Variants in DTWD2 observed in about 807,000 individuals in gnomAD.
DTWD2 encodes the protein DTW motif tRNA-uridine aminocarboxypropyltransferase 2, also known as tRNA-uridine aminocarboxypropyltransferase 2.
Under a neutral mutation model 31.8 loss-of-function variants are expected in DTWD2, and 39 were observed. The ratio of observed to expected loss-of-function variants is 1.22; its 90% CI spans 0.95 to 1.60. DTWD2 has a LOEUF of 1.60. DTWD2 is among the 40% of genes most tolerant of loss of function. The pLI is 0.00. For synonymous variants in DTWD2, 180 were observed against 142.8 expected (o/e 1.26, Z -1.86); for missense variants, 515 against 381.5 (o/e 1.35, Z -2.92).
chr5:118,951,788 C>T (rs1378101242), intron 1 of DTWD2, among the ~76,000 whole-genome samples: 6 of 152,094 alleles, frequency 3.9e-5, no homozygotes, highest in South Asian at 4.1e-4. Flanking sequence ...TGGGAGGGTA[C>T]TTGCCCCGCC....
At chr5:118,943,536 G>C (rs1754257988) in intron 2 of DTWD2, among the ~76,000 whole-genome samples, 1 of 144,936 alleles carries the variant, frequency 6.9e-6, no homozygotes, top group Admixed American at 6.9e-5. Context: ...GGGCAACAGA[G>C]CAAGACTCCG....
At chr5:118,956,815 A>C (rs1412693159) in intron 1 of DTWD2, among the ~76,000 whole-genome samples, 1 of 152,174 alleles carries the variant, frequency 6.6e-6, no homozygotes, top group Non-Finnish European at 1.5e-5. Context: ...GCAAAGAACA[A>C]AAAGTTTCAT....
chr5:118,974,625 A>G, intron 1 of DTWD2: 1 of 506,408 alleles, frequency 2.0e-6, no homozygotes, highest in Non-Finnish European at 4.0e-6. Flanking sequence ...TTGTGTATGT[A>G]CTTAGCTGTA....
chr5:118,939,249 G>C lies in DTWD2; in HGVS notation c.351C>G (p.Cys117Trp), dbSNP rs928421552. The C allele has an allele frequency of 6.2e-7, 1 of 1,600,182 alleles. No individual in the cohort carries two copies. The highest frequency in any genetic ancestry group is 8.5e-7 in the Non-Finnish European group (1 of 1,172,796). ...VLRTVPLLAA[C>W]LPQDKCKVKI... ...TCACTTTACACTTGTCCTGGGGGAG[G>C]CATGCTGCTAGTAGAGGAACTGTAC... Residue 117 changes from cysteine (C) to tryptophan (W), a missense_variant, in exon 3 of 6, where the codon TGC (cysteine) becomes TGG (tryptophan). Transcript: ENST00000510708.
intron 4 of DTWD2, among the ~76,000 whole-genome samples, chr5:118,862,589 C>T (rs1752287658): frequency 6.6e-6 from 1 of 152,120 alleles, no homozygotes; most frequent in Non-Finnish European, 1.5e-5. Flanking sequence ...ATATTATTTA[C>T]TTTGAAGAAA....
chr5:118,868,323 T>C (rs1475092249), intron 4 of DTWD2, among the ~76,000 whole-genome samples: 1 of 151,118 alleles, frequency 6.6e-6, no homozygotes, highest in African/African-American at 2.4e-5. Context: ...AGAAAAAAAA[T>C]AGGGGGAAAT....
At chr5:118,869,280 G>C (rs1438860752) in intron 4 of DTWD2, among the ~76,000 whole-genome samples, 1 of 151,956 alleles carries the variant, frequency 6.6e-6, no homozygotes, top group Non-Finnish European at 1.5e-5. Context: ...GAAATCGTTG[G>C]GACAGAAAAT....
At position 118,840,757 on chromosome 5, in the gene DTWD2, G is replaced by T; in HGVS notation, c.*160C>A. ...TGAGCCAGTGAATTTCTGTTTATTT[G>T]TATTTATGAATATTTGGTTTACTTC... On this transcript the variant is annotated 3_prime_UTR_variant, in exon 6 of 6. Transcript: ENST00000510708. The T allele has an allele frequency of 5.8e-6, 4 of 695,224 alleles. No individual in the cohort carries two copies. The highest frequency in any genetic ancestry group is 8.4e-6 in the Non-Finnish European group (4 of 478,744). 43.1% of individuals were successfully genotyped at this position (695,224 alleles called of 1,614,324 possible). A position where few individuals can be genotyped will look rare whatever the true frequency, so the allele number is the denominator to read the frequency against.
intron 2 of DTWD2, among the ~76,000 whole-genome samples, chr5:118,942,992 TG>T (rs771226107): frequency 6.6e-6 from 1 of 151,950 alleles, no homozygotes; most frequent in East Asian, 1.9e-4. Flanking sequence ...TTTATAGAGA[TG>T]GGGTCTCGCT....
chr5:118,861,147 T>C (rs1752250981), intron 4 of DTWD2, among the ~76,000 whole-genome samples: 1 of 152,244 alleles, frequency 6.6e-6, no homozygotes, highest in Admixed American at 6.5e-5. Context: ...TGTTGCTAAA[T>C]GTCTCCCAAT....
intron 4 of DTWD2, among the ~76,000 whole-genome samples, chr5:118,910,866 C>T: frequency 6.6e-6 from 1 of 152,132 alleles, no homozygotes; most frequent in East Asian, 1.9e-4. Flanking sequence ...GAAATGGCAC[C>T]TTCTATGTGC....
rs762797723 is a variant in DTWD2, at chr5:118,974,577, A to C, written c.218+13717T>G. 6.0e-6 allele frequency: 3 copies of C among 502,912 alleles called. No homozygotes were observed. The African/African-American group carries it at 6.0e-5, about 10-fold the overall frequency. The allele number at this position is 502,912 out of a possible 1,614,324, so 31.2% of individuals were successfully genotyped here. A position where few individuals can be genotyped will look rare whatever the true frequency, so the allele number is the denominator to read the frequency against. ...TTGTAAAAAAAGCAAAAATGACAAC[A>C]GAAAAACAATCTTATTCCGAGCATT... On this transcript the variant is annotated intron_variant, in intron 1 of 5. Transcript: ENST00000510708.
intron 5 of DTWD2, among the ~76,000 whole-genome samples, chr5:118,844,606 A>C (rs1751804495): frequency 6.6e-6 from 1 of 152,230 alleles, no homozygotes; most frequent in Non-Finnish European, 1.5e-5. Flanking sequence ...ATAAGAACAC[A>C]AGTACAAAAA....
At chr5:118,873,018 C>T (rs943451699) in intron 4 of DTWD2, among the ~76,000 whole-genome samples, 4 of 152,170 alleles carry the variant, frequency 2.6e-5, no homozygotes, top group Non-Finnish European at 4.4e-5. Flanking sequence ...CACTGGGACT[C>T]ATTTTTGAGC....
At chr5:118,882,676 T>C (rs975903106) in intron 4 of DTWD2, among the ~76,000 whole-genome samples, 15 of 152,258 alleles carry the variant, frequency 9.9e-5, no homozygotes, top group African/African-American at 3.4e-4. Context: ...TTGCCAAAGC[T>C]TGGGGCTTGC....
intron 1 of DTWD2, among the ~76,000 whole-genome samples, chr5:118,981,044 T>C (rs1191476758): frequency 6.6e-6 from 1 of 152,260 alleles, no homozygotes; most frequent in Non-Finnish European, 1.5e-5. Flanking sequence ...TTCATTCATT[T>C]GCTACAACAT....
At chr5:118,967,987 A>T (rs1460687382) in intron 1 of DTWD2, among the ~76,000 whole-genome samples, 1 of 152,218 alleles carries the variant, frequency 6.6e-6, no homozygotes, top group Non-Finnish European at 1.5e-5. Flanking sequence ...CAAATGATCT[A>T]TGTTAATTTC....
Position 118,901,411 on chromosome 5 carries a change from C to T in DTWD2, c.597+27126G>A, listed in dbSNP as rs1272122891. Among the ~76,000 whole-genome samples, 5 of 152,296 alleles carry T rather than the reference C, an allele frequency of 3.3e-5. No homozygotes were observed. The East Asian group carries it at 9.6e-4, about 29-fold the overall frequency. On this transcript the variant is annotated intron_variant, in intron 4 of 5. Coordinates refer to ENST00000510708, the MANE Select transcript of DTWD2 (RefSeq NM_173666.4). ...ACCAGACAATACAGTTTCACAATCTCTAATTTCATTTTTAAAAATTTGATC... is the reference window on the plus strand; with the variant it reads ...ACCAGACAATACAGTTTCACAATCTTTAATTTCATTTTTAAAAATTTGATC...
intron 1 of DTWD2, chr5:118,973,647 CCTTGCTCGCGGCAGCCT>C: frequency 3.8e-6 from 3 of 782,594 alleles, no homozygotes; most frequent in South Asian, 3.0e-5. Flanking sequence ...GCGGCAGCCT[CCTTGCTCGCGGCAGCCT>C]CCTTGCTCGC....
Sources: allele counts gnomAD v4.1 joint callset (sites outside exome capture counted in the v4.1 genomes callset), GRCh38; gene constraint gnomAD v4.1.1; transcripts MANE v1.5; gene names NCBI Gene and HGNC (gene_info 2026-07-23, HGNC 2026-07-21).